Variants in SRGAP1 observed in about 807,000 individuals in gnomAD.
SRGAP1 encodes the protein SLIT-ROBO Rho GTPase-activating protein 1.
Under a neutral mutation model 121.9 loss-of-function variants are expected in SRGAP1, and 43 were observed. The observed-to-expected ratio is 0.35, with a 90% CI of 0.28 to 0.46. The LOEUF is 0.46. SRGAP1 is among the 20% of genes least tolerant of loss of function. The pLI is 1.00. For synonymous variants in SRGAP1, 447 were observed against 485.4 expected, an observed-to-expected ratio of 0.92 and a Z score of 1.04; for missense variants, 1,102 against 1,350.9, an observed-to-expected ratio of 0.82 and a Z score of 2.89.
chr12:63,855,473 G>GTTTTTTGTTTTTTTTTT (rs1899208078), intron 1 of SRGAP1, among the ~76,000 whole-genome samples: 4 of 52,938 alleles, frequency 7.6e-5, no homozygotes, highest in African/African-American at 2.1e-4. Flanking sequence ...GAAAAATGGT[G>GTTTTTTGTTTTTTTTTT]TTTTTTTTTT....
At chr12:64,011,200 T>C (rs1467027954) in intron 3 of SRGAP1, among the ~76,000 whole-genome samples, 5 of 147,442 alleles carry the variant, frequency 3.4e-5, no homozygotes, top group Non-Finnish European at 6.0e-5. Flanking sequence ...TTAAAAAAAA[T>C]TGAACTCTAT....
intron 18 of SRGAP1, among the ~76,000 whole-genome samples, chr12:64,125,257 C>G (rs763568479): frequency 6.6e-6 from 1 of 151,996 alleles, no homozygotes; most frequent in Non-Finnish European, 1.5e-5. Flanking sequence ...CCATCATTCC[C>G]TTGAATATCT....
At chr12:63,936,435 C>T (rs553883606) in intron 1 of SRGAP1, among the ~76,000 whole-genome samples, 1 of 152,184 alleles carries the variant, frequency 6.6e-6, no homozygotes, top group East Asian at 1.9e-4. Context: ...ATATGTAGCC[C>T]AGTTTTGGCC....
intron 1 of SRGAP1, among the ~76,000 whole-genome samples, chr12:63,849,871 T>C (rs1899018518): frequency 6.6e-6 from 1 of 152,182 alleles, no homozygotes; most frequent in Non-Finnish European, 1.5e-5. Flanking sequence ...GATAATTCAC[T>C]TGTAGATTCC....
chr12:63,944,988 A>T (rs978613441), intron 1 of SRGAP1, among the ~76,000 whole-genome samples: 1 of 152,110 alleles, frequency 6.6e-6, no homozygotes, highest in Non-Finnish European at 1.5e-5. Context: ...GGAGCCACTG[A>T]TCCACTTCTC....
At position 63,951,152 on chromosome 12, in the gene SRGAP1, CTTTTTTTTT is replaced by C. The variant is rs58637983; in HGVS notation, c.68-32774_68-32766del. Among the ~76,000 whole-genome samples the C allele has an allele frequency of 5.9e-3, 262 of 44,188 alleles. 1 individual carries two copies. Among genetic ancestry groups the C allele is most frequent in the African/African-American group, 0.02 (237 of 11,924 alleles). The allele number at this position is 44,188 out of a possible 152,430, so 29.0% of individuals were successfully genotyped here. ...GGGCTGGTCCATGCCATTTAGAACT[CTTTTTTTTT>C]TTTTTTTTTTTTTTTTTTTTGAGAC... On this transcript the variant is annotated intron_variant, in intron 1 of 21. Coordinates refer to ENST00000355086, the MANE Select transcript of SRGAP1 (RefSeq NM_020762.4).
intron 3 of SRGAP1, among the ~76,000 whole-genome samples, chr12:63,995,478 A>G (rs139105510): frequency 1.3e-4 from 20 of 152,314 alleles, no homozygotes; most frequent in South Asian, 6.2e-4. Flanking sequence ...CATAGCTCCT[A>G]TGTACTCTGT....
At chr12:63,910,500 A>G (rs373740031) in intron 1 of SRGAP1, among the ~76,000 whole-genome samples, 12 of 152,298 alleles carry the variant, frequency 7.9e-5, no homozygotes, top group African/African-American at 2.9e-4. Flanking sequence ...ATGTAGTTAC[A>G]TTTCCTTCCC....
At chr12:63,988,852 C>G (rs1255220465) in intron 2 of SRGAP1, among the ~76,000 whole-genome samples, 1 of 152,150 alleles carries the variant, frequency 6.6e-6, no homozygotes, top group Non-Finnish European at 1.5e-5. Context: ...GCCCTGTCGC[C>G]CAGGCTGGAG....
intron 1 of SRGAP1, among the ~76,000 whole-genome samples, chr12:63,876,552 T>G (rs1900034941): frequency 6.6e-6 from 1 of 152,212 alleles, no homozygotes; most frequent in Admixed American, 6.5e-5. Flanking sequence ...CATACAACCC[T>G]CTGATGGAGA....
At chr12:63,997,812 C>T (rs1002470035) in intron 3 of SRGAP1, among the ~76,000 whole-genome samples, 3 of 152,054 alleles carry the variant, frequency 2.0e-5, no homozygotes, top group South Asian at 4.2e-4. Context: ...TTGGATTATG[C>T]ACTCTTAAGA....
At position 64,059,646 on chromosome 12, in the gene SRGAP1, C is replaced by T. The variant is rs147421452; in HGVS notation, c.802-3271C>T. ...CTTTACAAATTTGTGTTTTCATTAACGCAAATTTCCTATCTTTCTTGAAAG... is the reference window on the plus strand; with the variant it reads ...CTTTACAAATTTGTGTTTTCATTAATGCAAATTTCCTATCTTTCTTGAAAG... On this transcript the variant is annotated intron_variant, in intron 6 of 21. Coordinates refer to ENST00000355086, the MANE Select transcript of SRGAP1 (RefSeq NM_020762.4). Among the ~76,000 whole-genome samples the T allele has an allele frequency of 2.2e-3, 341 of 152,180 alleles. 1 individual carries two copies. The highest frequency in any genetic ancestry group is 7.9e-3 in the South Asian group (38 of 4,812).
chr12:63,990,102 C>T, intron 3 of SRGAP1, 30 bp downstream of exon 3: 1 of 1,546,746 alleles, frequency 6.5e-7, no homozygotes, highest in Non-Finnish European at 8.7e-7. Context: ...CCATAGTGTG[C>T]TTTCCAATAA....
intron 15 of SRGAP1, among the ~76,000 whole-genome samples, chr12:64,103,547 G>T (rs1202613141): frequency 2.0e-5 from 3 of 152,184 alleles, no homozygotes; most frequent in African/African-American, 7.2e-5. Flanking sequence ...TTTTTCTGGT[G>T]CTCAATATAT....
chr12:64,033,986 AC>A (rs747033961), intron 4 of SRGAP1, among the ~76,000 whole-genome samples: 1 of 152,146 alleles, frequency 6.6e-6, no homozygotes, highest in African/African-American at 2.4e-5. Flanking sequence ...CCGAGATCAC[AC>A]CACTACACTC....
At chr12:63,869,929 CT>C (rs1378313884) in intron 1 of SRGAP1, among the ~76,000 whole-genome samples, 1 of 152,084 alleles carries the variant, frequency 6.6e-6, no homozygotes, top group East Asian at 1.9e-4. Context: ...GAAAAAGAAA[CT>C]CAAAACTTAG....
chr12:64,064,611 C>A (rs2034845), intron 7 of SRGAP1, among the ~76,000 whole-genome samples: 1,738 of 152,276 alleles, frequency 0.011, 31 homozygotes, highest in African/African-American at 0.04. Context: ...TATAAGAACT[C>A]TTATCCTCAT....
At chr12:64,036,245 G>A (rs1166104411) in intron 4 of SRGAP1, among the ~76,000 whole-genome samples, 4 of 152,288 alleles carry the variant, frequency 2.6e-5, no homozygotes, top group Non-Finnish European at 4.4e-5. Flanking sequence ...CCTGGAGGGA[G>A]GTACTGTGGC....
intron 3 of SRGAP1, among the ~76,000 whole-genome samples, chr12:63,992,496 G>C (rs566335320): frequency 6.6e-6 from 1 of 152,200 alleles, no homozygotes; most frequent in African/African-American, 2.4e-5. Context: ...CCTTTGTTTT[G>C]GGGAGGGATT....
Sources: allele counts gnomAD v4.1 joint callset (sites outside exome capture counted in the v4.1 genomes callset), GRCh38; gene constraint gnomAD v4.1.1; transcripts MANE v1.5; gene names NCBI Gene and HGNC (gene_info 2026-07-23, HGNC 2026-07-21).